The following SCAPER variants were observed in gnomAD, a reference collection of about 807,000 sequenced individuals.
The protein encoded by SCAPER is S phase cyclin A-associated protein in the endoplasmic reticulum.
SCAPER carries 98 observed loss-of-function variants against 182.2 expected under a neutral mutation model. The observed-to-expected ratio is 0.54, with a 90% CI of 0.46 to 0.64. The LOEUF (loss-of-function observed/expected upper bound fraction) is 0.64, where lower values mean the gene tolerates loss of function less well. SCAPER is among the 30% of genes least tolerant of loss of function. The pLI, the probability that SCAPER is intolerant of heterozygous loss-of-function variation, is 0.00. For missense variants in SCAPER, 1,432 were observed against 1,690.0 expected, an observed-to-expected ratio of 0.85 and a Z score of 2.68; for synonymous variants, 605 against 564.6, an observed-to-expected ratio of 1.07 and a Z score of -1.01.
intron 14 of SCAPER, among the ~76,000 whole-genome samples, chr15:76,756,338 A>C (rs1187044927): frequency 6.6e-6 from 1 of 151,890 alleles, no homozygotes; most frequent in Non-Finnish European, 1.5e-5. Context: ...GTGCTTTAGA[A>C]GGCCGAGGTT....
At chr15:76,855,658 A>G (rs1277009868) in intron 4 of SCAPER, among the ~76,000 whole-genome samples, 2 of 152,200 alleles carry the variant, frequency 1.3e-5, no homozygotes, top group African/African-American at 4.8e-5. Context: ...GCCGATAAGC[A>G]TATGAAAAAA....
At chr15:76,832,767 C>T (rs1390140980) in intron 5 of SCAPER, among the ~76,000 whole-genome samples, 1 of 152,122 alleles carries the variant, frequency 6.6e-6, no homozygotes, top group Admixed American at 6.5e-5. Flanking sequence ...CGCTCTTGGT[C>T]CTGTTCCTGC....
chr15:76,646,021 T>G (rs1441711591), intron 21 of SCAPER, among the ~76,000 whole-genome samples: 1 of 152,144 alleles, frequency 6.6e-6, no homozygotes, highest in Non-Finnish European at 1.5e-5. Context: ...ACACAAAAAT[T>G]GACGCTATGT....
rs757358796 is a variant in SCAPER at position 76,733,268 on chromosome 15, T to C, written c.1983A>G (p.Arg661=). The C allele has an allele frequency of 1.4e-5, 22 of 1,598,972 alleles. No individual in the cohort carries two copies. Among genetic ancestry groups the C allele is most frequent in the Non-Finnish European group, 1.6e-5 (19 of 1,172,176 alleles). The stretch of plus-strand genomic sequence containing the variant: ...CACGTGCTTGCTTTTCTTCCTGTCT[T>C]CTCTGACGCTCTTCCTGTAGCTCAT... ...RLNELQEERQ[R]RQEEKQARDE... Residue 661 remains arginine (R), a synonymous_variant, in exon 16 of 32, where the codon AGA becomes AGG. Transcript: ENST00000563290.
chr15:76,865,333 CA>C (rs2072193470), intron 2 of SCAPER, among the ~76,000 whole-genome samples: 1 of 152,100 alleles, frequency 6.6e-6, no homozygotes, highest in African/African-American at 2.4e-5. Flanking sequence ...ATAAGACTGA[CA>C]GCCTTGCATT....
chr15:76,682,264 T>TCCCCCCCCCCCCCC (rs573661987), intron 20 of SCAPER, among the ~76,000 whole-genome samples: 3 of 130,518 alleles, frequency 2.3e-5, no homozygotes, highest in East Asian at 2.6e-4. Context: ...TCACCTCCCT[T>TCCCCCCCCCCCCCC]CCCCCCCCCA....
chr15:76,615,070 G>T (rs996828658), intron 22 of SCAPER, among the ~76,000 whole-genome samples: 1 of 152,098 alleles, frequency 6.6e-6, no homozygotes, highest in Non-Finnish European at 1.5e-5. Context: ...TAATGATGAA[G>T]AAATAGAAGA....
chr15:76,697,455 A>C (rs1598222702), intron 20 of SCAPER, among the ~76,000 whole-genome samples: 1 of 152,336 alleles, frequency 6.6e-6, no homozygotes, highest in East Asian at 1.9e-4. Context: ...CAAAAATTAG[A>C]TAATATTGCA....
chr15:76,821,528 T>G (rs1018172982), intron 5 of SCAPER, among the ~76,000 whole-genome samples: 5 of 150,098 alleles, frequency 3.3e-5, no homozygotes, highest in Non-Finnish European at 7.4e-5. Context: ...AGGCTGAGGT[T>G]GGGGGGGATC....
intron 23 of SCAPER, among the ~76,000 whole-genome samples, chr15:76,537,881 C>G (rs1487633028): frequency 6.6e-6 from 1 of 151,982 alleles, no homozygotes; most frequent in African/African-American, 2.4e-5. Context: ...AGAAAAAAAA[C>G]AACCTCATCA....
intron 5 of SCAPER, among the ~76,000 whole-genome samples, chr15:76,832,014 A>G (rs1276291020): frequency 6.6e-6 from 1 of 152,198 alleles, no homozygotes; most frequent in Non-Finnish European, 1.5e-5. Flanking sequence ...TCAAAAATTA[A>G]AAGAACATCA....
At chr15:76,543,254 A>C (rs746409277) in intron 23 of SCAPER, among the ~76,000 whole-genome samples, 2 of 152,204 alleles carry the variant, frequency 1.3e-5, no homozygotes, top group Non-Finnish European at 2.9e-5. Context: ...TTATATCCTA[A>C]TATGTATGCT....
intron 8 of SCAPER, among the ~76,000 whole-genome samples, chr15:76,785,200 T>G (rs1176643886): frequency 6.6e-6 from 1 of 151,902 alleles, no homozygotes; most frequent in East Asian, 1.9e-4. Flanking sequence ...AACAACCCCA[T>G]CAAAAAGTGG....
At chr15:76,855,057 G>C (rs2071200768) in intron 4 of SCAPER, among the ~76,000 whole-genome samples, 1 of 151,616 alleles carries the variant, frequency 6.6e-6, no homozygotes, top group East Asian at 1.9e-4. Context: ...AACCAAAACA[G>C]CATGGTACTG....
chr15:76,610,851 G>A (rs1449552659), intron 22 of SCAPER, among the ~76,000 whole-genome samples: 3 of 152,146 alleles, frequency 2.0e-5, no homozygotes, highest in Admixed American at 1.3e-4. Context: ...TACCCAAAGT[G>A]ATCTACATAT....
At chr15:76,451,513 C>T (rs944770352) in intron 25 of SCAPER, among the ~76,000 whole-genome samples, 5 of 152,164 alleles carry the variant, frequency 3.3e-5, no homozygotes, top group Non-Finnish European at 5.9e-5. Flanking sequence ...TATCTTTCAA[C>T]GAATGCAACT....
At chr15:76,807,538 CTTTT>C (rs922584100) in intron 5 of SCAPER, among the ~76,000 whole-genome samples, 1 of 151,276 alleles carries the variant, frequency 6.6e-6, no homozygotes, top group African/African-American at 2.4e-5. Context: ...TTATTTTTTA[CTTTT>C]TTTATTATAC....
At chr15:76,729,426 T>C (rs1292986777) in intron 16 of SCAPER, among the ~76,000 whole-genome samples, 1 of 152,036 alleles carries the variant, frequency 6.6e-6, no homozygotes, top group Non-Finnish European at 1.5e-5. Context: ...AGCCTTGTGT[T>C]AATATATGGT....
chr15:76,615,693 A>G (rs2146004369), intron 22 of SCAPER, among the ~76,000 whole-genome samples: 1 of 150,724 alleles, frequency 6.6e-6, no homozygotes, highest in East Asian at 2.0e-4. Context: ...GGTGGCACAC[A>G]CCTGTAATCC....
Sources: gnomAD v4.1 joint callset for allele counts (sites outside exome capture counted in the v4.1 genomes callset) on GRCh38, gnomAD v4.1.1 for gene constraint, MANE v1.5 for transcripts, NCBI Gene and HGNC (gene_info 2026-07-23, HGNC 2026-07-21) for gene names.